CSNK1G3: variants seen among roughly 807,000 people sequenced by gnomAD.
CSNK1G3 encodes the protein casein kinase I isoform gamma-3.
A neutral mutation model predicts 64.3 loss-of-function variants in CSNK1G3; 23 were observed. The observed-to-expected ratio is 0.36, with a 90% CI of 0.26 to 0.51. The LOEUF is 0.51. CSNK1G3 is among the 20% of genes least tolerant of loss of function. The pLI is 0.96. For synonymous variants in CSNK1G3, 158 were observed against 162.2 expected, an observed-to-expected ratio of 0.97 and a Z score of 0.20; for missense variants, 357 against 510.5, an observed-to-expected ratio of 0.70 and a Z score of 2.90.
exon 2 of CSNK1G3, chr5:123,545,718 A>G: frequency 1.2e-6 from 2 of 1,613,612 alleles, no homozygotes; most frequent in Non-Finnish European, 1.7e-6. Flanking sequence ...GGCACGACCT[A>G]GTGGTCGATC....
At chr5:123,551,057 A>T (rs796152090) in intron 2 of CSNK1G3, among the ~76,000 whole-genome samples, 49 of 152,288 alleles carry the variant, frequency 3.2e-4, no homozygotes, top group African/African-American at 1.2e-3. Context: ...ATTCTTTGAG[A>T]TCTGTAGTTA....
intron 1 of CSNK1G3, among the ~76,000 whole-genome samples, chr5:123,526,078 C>T (rs1022777887): frequency 2.6e-5 from 4 of 151,916 alleles, no homozygotes; most frequent in African/African-American, 9.7e-5. Flanking sequence ...CACTCTGTTG[C>T]CCAGGCTGGG....
In CSNK1G3 at chr5:123,591,510, C is replaced by T. The variant is rs574948823; in HGVS notation, c.1086+96C>T. ...AAAACAGACTGAAGGATTGAAAATA[C>T]ATATTTTTAATAGATAATCTATTTT... On this transcript the variant is annotated intron_variant, in intron 10 of 12. Transcript: ENST00000345990. 7 of 615,548 alleles carry T rather than the reference C, an allele frequency of 1.1e-5. No homozygotes were observed. The African/African-American group carries it at 1.2e-4, about 10-fold the overall frequency. 38.1% of individuals were successfully genotyped at this position (615,548 alleles called of 1,614,324 possible). A position where few individuals can be genotyped will look rare whatever the true frequency, so the allele number is the denominator to read the frequency against.
At chr5:123,526,667 A>G (rs1181289755) in intron 1 of CSNK1G3, among the ~76,000 whole-genome samples, 1 of 152,142 alleles carries the variant, frequency 6.6e-6, no homozygotes. Context: ...AACATGTGTT[A>G]TATAACCTTT....
exon 13 of CSNK1G3, chr5:123,614,939 A>G (rs1434120192): frequency 1.3e-5 from 2 of 152,672 alleles, no homozygotes; most frequent in Non-Finnish European, 2.9e-5. Context: ...TTCATAAGTC[A>G]TATTAACATT....
chr5:123,557,596 A>T (rs1269356029), intron 4 of CSNK1G3, 32 bp downstream of exon 4: 1 of 1,361,952 alleles, frequency 7.3e-7, no homozygotes, highest in African/African-American at 1.5e-5. Flanking sequence ...TAAATTTGAA[A>T]TAAAGTGGAT....
At chr5:123,605,520 A>G (rs963239915) in intron 12 of CSNK1G3, among the ~76,000 whole-genome samples, 158 bp downstream of exon 13, 7 of 152,116 alleles carry the variant, frequency 4.6e-5, no homozygotes, top group African/African-American at 1.7e-4. Context: ...ATAGCTCTGA[A>G]AAGCAAGAAA....
At chr5:123,550,189 T>C (rs561652431) in intron 2 of CSNK1G3, among the ~76,000 whole-genome samples, 6 of 152,024 alleles carry the variant, frequency 3.9e-5, no homozygotes, top group Non-Finnish European at 7.4e-5. Flanking sequence ...TATATAGTGG[T>C]TTCAAGCAAA....
intron 1 of CSNK1G3, among the ~76,000 whole-genome samples, chr5:123,543,955 G>A (rs971881338): frequency 1.3e-5 from 2 of 152,160 alleles, no homozygotes; most frequent in Admixed American, 1.3e-4. Context: ...AGTCAGGCTG[G>A]TGGGAGCAGG....
intron 10 of CSNK1G3, among the ~76,000 whole-genome samples, chr5:123,598,065 TA>T (rs1456457555): frequency 3.9e-5 from 6 of 152,172 alleles, no homozygotes; most frequent in African/African-American, 1.4e-4. Flanking sequence ...GTTAAGTCAC[TA>T]GCTAAAAAGA....
chr5:123,552,938 G>A (rs2150360436), intron 2 of CSNK1G3, 169 bp from the exon 3 acceptor site: 2 of 402,088 alleles, frequency 5.0e-6, no homozygotes, highest in Non-Finnish European at 9.2e-6. Flanking sequence ...TAAATACATC[G>A]AGTTGATAAT....
intron 6 of CSNK1G3, among the ~76,000 whole-genome samples, chr5:123,586,418 AAGTTATAACT>A (rs1791337940): frequency 6.6e-6 from 1 of 152,184 alleles, no homozygotes; most frequent in African/African-American, 2.4e-5. Flanking sequence ...TTCGTTATAA[AAGTTATAACT>A]AGTTTTTTTC....
At chr5:123,519,473 C>G (rs1777726622) in intron 1 of CSNK1G3, among the ~76,000 whole-genome samples, 1 of 152,146 alleles carries the variant, frequency 6.6e-6, no homozygotes, top group African/African-American at 2.4e-5. Flanking sequence ...CTCATGAAGC[C>G]ATTTAATTTT....
At position 123,587,901 on chromosome 5, in the gene CSNK1G3, T is replaced by A. The variant is rs144757976; in HGVS notation, c.674-167T>A. Among the ~76,000 whole-genome samples the A allele has an allele frequency of 2.8e-3, 420 of 152,244 alleles. 1 individual carries two copies. The highest frequency in any genetic ancestry group is 9.3e-3 in the African/African-American group (386 of 41,538). ...CTCAATAATCTTAATGTAAAAACAT[T>A]ATTTATATAGATATAATTTTATCAC... On this transcript the variant is annotated intron_variant, in intron 6 of 12. Coordinates refer to ENST00000345990, the Ensembl canonical transcript of CSNK1G3.
chr5:123,560,692 A>G (rs919301975), intron 4 of CSNK1G3, among the ~76,000 whole-genome samples: 4 of 152,154 alleles, frequency 2.6e-5, no homozygotes, highest in African/African-American at 9.7e-5. Context: ...AAAAAAGGAA[A>G]ATTCTGCAAA....
intron 4 of CSNK1G3, among the ~76,000 whole-genome samples, chr5:123,559,645 CAT>C (rs766967772): frequency 1.5e-4 from 23 of 150,380 alleles, no homozygotes; most frequent in Non-Finnish European, 2.5e-4. Context: ...AGCTGTGACA[CAT>C]GTGGATATTT....
At chr5:123,569,790 A>G (rs1787707043) in intron 4 of CSNK1G3, among the ~76,000 whole-genome samples, 1 of 94,216 alleles carries the variant, frequency 1.1e-5, no homozygotes, top group African/African-American at 6.4e-5. Flanking sequence ...TCTTGAATAG[A>G]AAAGTTAAAA....
intron 1 of CSNK1G3, among the ~76,000 whole-genome samples, chr5:123,527,700 T>C (rs532899037): frequency 6.6e-6 from 1 of 152,340 alleles, no homozygotes; most frequent in African/African-American, 2.4e-5. Context: ...ATATAACTGT[T>C]ATGAGAACCA....
At chr5:123,539,142 A>G (rs1237046023) in intron 1 of CSNK1G3, among the ~76,000 whole-genome samples, 1 of 152,082 alleles carries the variant, frequency 6.6e-6, no homozygotes, top group Non-Finnish European at 1.5e-5. Context: ...TTGTGGGTTG[A>G]ATTTTGTCAA....
Sources: gnomAD v4.1 joint callset for allele counts (sites outside exome capture counted in the v4.1 genomes callset) on GRCh38, gnomAD v4.1.1 for gene constraint, MANE v1.5 for transcripts, NCBI Gene and HGNC (gene_info 2026-07-23, HGNC 2026-07-21) for gene names.